The following SMPD3 variants were observed in gnomAD, a reference collection of about 807,000 sequenced individuals.
SMPD3 encodes nSMase-2.
In SMPD3, 21 loss-of-function variants were observed where a neutral mutation model predicts 55.7. That is an observed-to-expected ratio of 0.38 (90% CI 0.27 to 0.54). The LOEUF is 0.54. Ranked by LOEUF, SMPD3 falls within the 20% of genes least tolerant of loss-of-function variation. SMPD3 has a pLI of 0.80. For missense variants in SMPD3, 842 were observed against 899.6 expected, an observed-to-expected ratio of 0.94 and a Z score of 0.82; for synonymous variants, 457 against 404.3, an observed-to-expected ratio of 1.13 and a Z score of -1.56.
rs760042293 is a variant in SMPD3, at chr16:68,364,841, A to G, written c.1465T>C (p.Ser489Pro). 3.7e-6 allele frequency: 6 copies of G among 1,613,754 alleles called. No individual in the cohort carries two copies. In the South Asian group the frequency reaches 6.6e-5, roughly 18 times the overall value. Residue 489 changes from serine to proline, a missense_variant, in exon 5 of 9, where the codon TCT becomes CCT. Coordinates refer to ENST00000219334, the MANE Select transcript of SMPD3 (RefSeq NM_018667.4). ...TTGGCTGCGCTGGACGAGGAGGTAG[A>G]TTTTCGGAAATCAGCCAGCCAGTCC... is the stretch of plus-strand genomic sequence containing the variant. ...LQDWLADFRK[S>P]TSSSSAANPE...
intron 2 of SMPD3, among the ~76,000 whole-genome samples, chr16:68,376,262 G>A (rs1033768607): frequency 6.6e-6 from 1 of 152,144 alleles, no homozygotes; most frequent in African/African-American, 2.4e-5. Context: ...TCCCTGGCCC[G>A]GGCCTGCTGC....
intron 1 of SMPD3, among the ~76,000 whole-genome samples, chr16:68,437,874 G>A (rs1370186105): frequency 6.6e-6 from 1 of 152,162 alleles, no homozygotes; most frequent in Non-Finnish European, 1.5e-5. Context: ...AGGAGGATGG[G>A]GTTTGGTTTT....
intron 1 of SMPD3, among the ~76,000 whole-genome samples, chr16:68,416,042 G>A (rs993026277): frequency 2.0e-5 from 3 of 152,162 alleles, no homozygotes; most frequent in Non-Finnish European, 4.4e-5. Context: ...GACAACATCT[G>A]CGCTGCAAGG....
Position 68,396,977 on chromosome 16 carries a change from T to C in SMPD3, c.-268-10318A>G, listed in dbSNP as rs995871078. On this transcript the variant is annotated intron_variant, in intron 1 of 8. Coordinates refer to ENST00000219334, the MANE Select transcript of SMPD3 (RefSeq NM_018667.4). ...TGTGCCAGGCACTGTGTTCAGAGCATTCCCTGCACAACGTCTTGTTTCATC... is the reference window on the plus strand; with the variant it reads ...TGTGCCAGGCACTGTGTTCAGAGCACTCCCTGCACAACGTCTTGTTTCATC... 5.3e-5 allele frequency among the ~76,000 whole-genome samples: 8 copies of C among 152,296 alleles called. No homozygotes were observed. In the South Asian group the frequency reaches 1.2e-3, roughly 24 times the overall value.
rs536111003 is a variant in SMPD3, at chr16:68,371,239, C to T, written c.943G>A (p.Gly315Arg). The T allele has an allele frequency of 2.5e-5, 40 of 1,606,348 alleles. No homozygotes were observed. Among genetic ancestry groups the T allele is most frequent in the East Asian group, 1.3e-4 (6 of 44,846 alleles). Residue 315 changes from glycine (G) to arginine (R), a missense_variant, in exon 3 of 9, where the codon GGG (glycine) becomes AGG (arginine). By Grantham distance (125) the Gly-to-Arg change is moderately radical. Around this residue, in one of 2 missense-constraint regions of SMPD3, gnomAD observed 649 missense variants for 643.6 expected, o/e 1.01. Transcript: ENST00000219334. ...AGCTTGCTGTTGGCACCTGGCTCCC[C>T]GCTGGCACTGGTGTCTGGCCCAGCT... ...GRAGPDTSAS[G>R]EPGANSKLLY... is the part of the protein sequence containing the mutation.
intron 1 of SMPD3, among the ~76,000 whole-genome samples, chr16:68,394,197 T>A (rs1379835614): frequency 6.6e-6 from 1 of 152,204 alleles, no homozygotes; most frequent in African/African-American, 2.4e-5. Context: ...GTGTTCCTCA[T>A]CCATTCGTCT....
chr16:68,446,743 C>T (rs968921655), intron 1 of SMPD3, among the ~76,000 whole-genome samples: 6 of 152,294 alleles, frequency 3.9e-5, no homozygotes, highest in Admixed American at 3.3e-4. Flanking sequence ...GGACCCTGGC[C>T]CACTCACGCC....
At chr16:68,444,403 T>A (rs1379556450) in intron 1 of SMPD3, among the ~76,000 whole-genome samples, 1 of 152,262 alleles carries the variant, frequency 6.6e-6, no homozygotes, top group Non-Finnish European at 1.5e-5. Flanking sequence ...GCCACTTGCA[T>A]GCGTGTTCAG....
In SMPD3 at chr16:68,367,623, CACG is replaced by C. The variant is rs2089524762; in HGVS notation, c.1324-2534_1324-2532del. On this transcript the variant is annotated intron_variant, in intron 3 of 8. Transcript: ENST00000219334. ...CAGGGAGGCCTCAGACTGGGCCCTG[CACG>C]ACAAGAACCCACTGGCCGGAGGAGT... The C allele has an allele frequency of 5.2e-5, 8 of 152,406 alleles. 1 individual carries two copies. The South Asian group carries it at 1.7e-3, about 32-fold the overall frequency. The allele number at this position is 152,406 out of a possible 1,614,324, so 9.4% of individuals were successfully genotyped here.
chr16:68,386,473 C>T (rs1213690653), intron 2 of SMPD3, 125 bp downstream of exon 2: 1 of 152,112 alleles, frequency 6.6e-6, no homozygotes, highest in Non-Finnish European at 1.5e-5. Context: ...GCGGGAGAGC[C>T]TTTTCCTAAT....
chr16:68,429,892 A>G (rs2090466132), intron 1 of SMPD3, among the ~76,000 whole-genome samples: 1 of 152,088 alleles, frequency 6.6e-6, no homozygotes, highest in African/African-American at 2.4e-5. Context: ...TCTCCCTGAG[A>G]CCAGTTCTGC....
chr16:68,372,459 C>T lies in SMPD3; in HGVS notation c.-206-72G>A, dbSNP rs2089697087. 8.0e-6 allele frequency: 4 copies of T among 498,188 alleles called. No homozygotes were observed. The East Asian group carries it at 1.1e-4, about 14-fold the overall frequency. The allele number at this position is 498,188 out of a possible 1,614,324, so 30.9% of individuals were successfully genotyped here. A position where few individuals can be genotyped will look rare whatever the true frequency, so the allele number is the denominator to read the frequency against. On this transcript the variant is annotated intron_variant, in intron 2 of 8. Transcript: ENST00000219334. ...AGTGGGTCAGATATGGGGCCTTTGC[C>T]CCAGCTCATCCCACTCCTGCTTCCC...
chr16:68,365,350 A>C (rs1032053956), intron 3 of SMPD3, among the ~76,000 whole-genome samples: 1 of 152,134 alleles, frequency 6.6e-6, no homozygotes. Flanking sequence ...GCATGGGGGA[A>C]GTGCCGAACC....
At chr16:68,373,132 CTT>C (rs2089718007) in intron 2 of SMPD3, among the ~76,000 whole-genome samples, 1 of 152,236 alleles carries the variant, frequency 6.6e-6, no homozygotes, top group African/African-American at 2.4e-5. Context: ...GTCCCTGTGA[CTT>C]TTGGAGAAGC....
At chr16:68,422,371 A>T (rs1249172709) in intron 1 of SMPD3, among the ~76,000 whole-genome samples, 2 of 152,160 alleles carry the variant, frequency 1.3e-5, no homozygotes, top group Non-Finnish European at 2.9e-5. Context: ...AAAGCCATGG[A>T]TGTTGGGCCT....
chr16:68,364,934 T>A (rs776019532), intron 4 of SMPD3, 28 bp from the exon 5 acceptor site: 101 of 1,612,718 alleles, frequency 6.3e-5, no homozygotes, highest in Non-Finnish European at 7.9e-5. Context: ...AGAGACTGGA[T>A]GATGAAGTTC....
At chr16:68,389,463 G>A (rs1372108551) in intron 1 of SMPD3, among the ~76,000 whole-genome samples, 2 of 152,220 alleles carry the variant, frequency 1.3e-5, no homozygotes, top group African/African-American at 4.8e-5. Context: ...TGTGGAGATG[G>A]ATGGACCTGT....
At chr16:68,402,246 G>A (rs578088326) in intron 1 of SMPD3, among the ~76,000 whole-genome samples, 1 of 152,262 alleles carries the variant, frequency 6.6e-6, no homozygotes, top group South Asian at 2.1e-4. Flanking sequence ...CACCTCTGCA[G>A]GCCTCCATTT....
chr16:68,399,663 T>C (rs2090190095), intron 1 of SMPD3, among the ~76,000 whole-genome samples: 1 of 152,184 alleles, frequency 6.6e-6, no homozygotes, highest in African/African-American at 2.4e-5. Context: ...GGAAGAATGA[T>C]GGTCAGACCC....
Sources: gnomAD v4.1 joint callset for allele counts (sites outside exome capture counted in the v4.1 genomes callset) on GRCh38, gnomAD v4.1.1 for gene constraint, gnomAD v4.1.1 regional missense constraint, MANE v1.5 for transcripts, NCBI Gene and HGNC (gene_info 2026-07-23, HGNC 2026-07-21) for gene names.